The following HS3ST3A1 variants were observed in gnomAD, a reference collection of about 807,000 sequenced individuals.
HS3ST3A1 encodes heparan sulfate glucosamine 3-O-sulfotransferase 3A1.
Under a neutral mutation model 25.7 loss-of-function variants are expected in HS3ST3A1, and 19 were observed. That is an observed-to-expected ratio of 0.74 (90% CI 0.52 to 1.08). The LOEUF is 1.08. Ranked by LOEUF, HS3ST3A1 falls within the 50% of genes least tolerant of loss-of-function variation. The pLI is 0.00. For missense variants in HS3ST3A1, 459 were observed against 594.3 expected, an observed-to-expected ratio of 0.77 and a Z score of 2.37; for synonymous variants, 226 against 278.6, an observed-to-expected ratio of 0.81 and a Z score of 1.88.
chr17:13,548,541 C>T (rs1040356211), intron 1 of HS3ST3A1, among the ~76,000 whole-genome samples: 1 of 152,122 alleles, frequency 6.6e-6, no homozygotes, highest in African/African-American at 2.4e-5. Flanking sequence ...ATTAACAAAC[C>T]GTCTCTAATC....
intron 1 of HS3ST3A1, among the ~76,000 whole-genome samples, chr17:13,540,036 A>C (rs755120739): frequency 2.0e-5 from 3 of 152,222 alleles, no homozygotes; most frequent in Non-Finnish European, 2.9e-5. Flanking sequence ...AGATTTGCAG[A>C]TCAAGACTGA....
chr17:13,496,892 C>A (rs1478513002), intron 1 of HS3ST3A1, 74 bp from the exon 2 acceptor site: 32 of 1,541,504 alleles, frequency 2.1e-5, no homozygotes, highest in Non-Finnish European at 2.7e-5. Flanking sequence ...CAAGTACACG[C>A]TGGAGCCAGG....
intron 1 of HS3ST3A1, among the ~76,000 whole-genome samples, chr17:13,518,802 A>G (rs956932993): frequency 6.6e-6 from 1 of 152,234 alleles, no homozygotes; most frequent in African/African-American, 2.4e-5. Flanking sequence ...TTCCTTCTGC[A>G]CAGGCTCAGC....
At chr17:13,564,059 A>G (rs1371515171) in intron 1 of HS3ST3A1, among the ~76,000 whole-genome samples, 1 of 152,206 alleles carries the variant, frequency 6.6e-6, no homozygotes, top group Non-Finnish European at 1.5e-5. Context: ...AGGAAGCTAA[A>G]GAGATTAGAT....
chr17:13,506,078 CT>C (rs577292327), intron 1 of HS3ST3A1, among the ~76,000 whole-genome samples: 10,513 of 119,010 alleles, frequency 0.088, 503 homozygotes, highest in African/African-American at 0.13. Context: ...GTTGGAGTTA[CT>C]TTTTTTTTTT....
intron 1 of HS3ST3A1, among the ~76,000 whole-genome samples, chr17:13,594,553 G>A (rs1908522747): frequency 6.6e-6 from 1 of 152,090 alleles, no homozygotes; most frequent in Non-Finnish European, 1.5e-5. Flanking sequence ...AAATCATCTG[G>A]AAGTATTTTC....
Position 13,601,427 on chromosome 17 carries a change from G to A in HS3ST3A1, c.-298C>T. On this transcript the variant is annotated 5_prime_UTR_variant, in exon 1 of 2. Transcript: ENST00000284110. ...CAAGTCCTGAGCTTGGGGCAGCCTTGGCCCCTCGGTTCCCCGCAAGAGTCG... is the reference window on the plus strand; with the variant it reads ...CAAGTCCTGAGCTTGGGGCAGCCTTAGCCCCTCGGTTCCCCGCAAGAGTCG... The A allele has an allele frequency of 3.1e-6, 1 of 326,728 alleles. No individual in the cohort carries two copies. Among genetic ancestry groups the A allele is most frequent in the Non-Finnish European group, 5.5e-6 (1 of 181,020 alleles). The allele number at this position is 326,728 out of a possible 1,614,324, so 20.2% of individuals were successfully genotyped here. A position where few individuals can be genotyped will look rare whatever the true frequency, so the allele number is the denominator to read the frequency against.
chr17:13,525,879 G>A (rs1168762367), intron 1 of HS3ST3A1, among the ~76,000 whole-genome samples: 1 of 150,924 alleles, frequency 6.6e-6, no homozygotes, highest in Non-Finnish European at 1.5e-5. Flanking sequence ...TTTTTTTTCT[G>A]TGATTTACTT....
At chr17:13,501,230 G>T (rs1018365287) in intron 1 of HS3ST3A1, among the ~76,000 whole-genome samples, 1 of 150,948 alleles carries the variant, frequency 6.6e-6, no homozygotes, top group African/African-American at 2.5e-5. Flanking sequence ...CCGAACAACG[G>T]TTAAAATGGT....
chr17:13,556,650 G>A (rs572699263), intron 1 of HS3ST3A1, among the ~76,000 whole-genome samples: 3 of 151,826 alleles, frequency 2.0e-5, no homozygotes, highest in East Asian at 1.9e-4. Context: ...TCAGGAGTTC[G>A]AGACCAGCCT....
chr17:13,504,312 A>C (rs1015366809), intron 1 of HS3ST3A1, among the ~76,000 whole-genome samples: 11 of 78,356 alleles, frequency 1.4e-4, no homozygotes, highest in African/African-American at 5.9e-4. Context: ...GCGAGACTCC[A>C]TCTCAAACAA....
At position 13,587,962 on chromosome 17, in the gene HS3ST3A1, T is replaced by C. The variant is rs78901817; in HGVS notation, c.599+12569A>G. ...CTAAATTGGATCTTGAATTGGAGTT[T>C]CATCACCTACATTCTGCCTCCCTAA... On this transcript the variant is annotated intron_variant, in intron 1 of 1. Coordinates refer to ENST00000284110, the MANE Select transcript of HS3ST3A1 (RefSeq NM_006042.3). 2.2e-3 allele frequency among the ~76,000 whole-genome samples: 334 copies of C among 152,290 alleles called. 4 individuals are homozygous for C. The highest frequency in any genetic ancestry group is 7.4e-3 in the African/African-American group (307 of 41,570).
chr17:13,568,420 C>G (rs1253761161), intron 1 of HS3ST3A1, among the ~76,000 whole-genome samples: 1 of 152,068 alleles, frequency 6.6e-6, no homozygotes, highest in Non-Finnish European at 1.5e-5. Context: ...CTGAGGTATG[C>G]CTGGACTATG....
Position 13,556,724 on chromosome 17 carries a change from C to A in HS3ST3A1, c.599+43807G>T, listed in dbSNP as rs530849761. On this transcript the variant is annotated intron_variant, in intron 1 of 1. Transcript: ENST00000284110. ...AAAATTAGTCAGGCGTGGTGACAGGCACCTGTAGCCTCAGCTACTCGGGAG... is the reference window on the plus strand; with the variant it reads ...AAAATTAGTCAGGCGTGGTGACAGGAACCTGTAGCCTCAGCTACTCGGGAG... Among the ~76,000 whole-genome samples, 3 of 151,526 alleles carry A rather than the reference C, an allele frequency of 2.0e-5. No individual in the cohort carries two copies. The East Asian group carries it at 5.9e-4, about 30-fold the overall frequency.
At chr17:13,581,662 C>T (rs1908118463) in intron 1 of HS3ST3A1, among the ~76,000 whole-genome samples, 1 of 152,024 alleles carries the variant, frequency 6.6e-6, no homozygotes, top group African/African-American at 2.4e-5. Flanking sequence ...ATATTTTTAC[C>T]ATCCAAATAA....
chr17:13,601,794 G>C lies in HS3ST3A1; in HGVS notation c.-665C>G, dbSNP rs1908754709. 1.3e-5 allele frequency: 2 copies of C among 153,076 alleles called. No individual in the cohort carries two copies. The highest frequency in any genetic ancestry group is 4.8e-5 in the African/African-American group (2 of 41,460). 9.5% of individuals were successfully genotyped at this position (153,076 alleles called of 1,614,324 possible). ...GCCGTCCACCCCTCTCCGTAGCGCC[G>C]GGTTGCTCCAAACTGCTCTTGGACC... On this transcript the variant is annotated 5_prime_UTR_variant, in exon 1 of 2. Coordinates refer to ENST00000284110, the MANE Select transcript of HS3ST3A1 (RefSeq NM_006042.3).
intron 1 of HS3ST3A1, among the ~76,000 whole-genome samples, chr17:13,513,227 C>A (rs1337624867): frequency 6.6e-6 from 1 of 152,134 alleles, no homozygotes; most frequent in African/African-American, 2.4e-5. Context: ...AGGCACTTCA[C>A]GCGGACTAGG....
rs1490977361 is a variant in HS3ST3A1, at chr17:13,567,390, C to T, written c.599+33141G>A. On this transcript the variant is annotated intron_variant, in intron 1 of 1. Coordinates refer to ENST00000284110, the MANE Select transcript of HS3ST3A1 (RefSeq NM_006042.3). ...ATGTTGTTTTTTATAACTGCTAATA[C>T]AATATCCATTCTGTAGCCCACAGGA... is the stretch of plus-strand genomic sequence containing the variant. Among the ~76,000 whole-genome samples the T allele has an allele frequency of 2.6e-5, 4 of 152,192 alleles. No homozygotes were observed. In the South Asian group the frequency reaches 8.3e-4, roughly 32 times the overall value.
intron 1 of HS3ST3A1, among the ~76,000 whole-genome samples, chr17:13,515,654 T>C (rs1205141251): frequency 1.3e-5 from 2 of 152,168 alleles, no homozygotes; most frequent in African/African-American, 4.8e-5. Context: ...ATAGGCTAAA[T>C]AGTAAGGAGC....
Sources: gnomAD v4.1 joint callset for allele counts (sites outside exome capture counted in the v4.1 genomes callset) on GRCh38, gnomAD v4.1.1 for gene constraint, MANE v1.5 for transcripts, NCBI Gene and HGNC (gene_info 2026-07-23, HGNC 2026-07-21) for gene names.